TJP1: variants seen among roughly 807,000 people sequenced by gnomAD.
The protein encoded by TJP1 is tight junction protein 1.
A neutral mutation model predicts 194.2 loss-of-function variants in TJP1; 43 were observed. The ratio of observed to expected loss-of-function variants is 0.22; its 90% CI spans 0.17 to 0.29. TJP1 has a LOEUF of 0.29. Ranked by LOEUF, TJP1 falls within the 10% of genes least tolerant of loss-of-function variation. The pLI, the probability that TJP1 is intolerant of heterozygous loss-of-function variation, is 1.00. For synonymous variants in TJP1, 801 were observed against 779.0 expected (o/e 1.03, Z -0.47); for missense variants, 1,971 against 2,185.7 (o/e 0.90, Z 1.96).
At chr15:29,905,009 C>A (rs1318894878) in intron 2 of TJP1, among the ~76,000 whole-genome samples, 1 of 152,180 alleles carries the variant, frequency 6.6e-6, no homozygotes, top group Non-Finnish European at 1.5e-5. Flanking sequence ...GGAAGCATGG[C>A]CCTGCTACAC....
At chr15:29,732,930 T>A (rs2043763407) in intron 13 of TJP1, 115 bp from the exon 14 acceptor site, 3 of 1,251,592 alleles carry the variant, frequency 2.4e-6, no homozygotes, top group Non-Finnish European at 2.2e-6. Flanking sequence ...AGTTTAAATC[T>A]TAATGGTTAT....
chr15:29,778,230 G>T, intron 2 of TJP1, among the ~76,000 whole-genome samples: 1 of 151,920 alleles, frequency 6.6e-6, no homozygotes. Flanking sequence ...TACCCAGGCT[G>T]CAGGTAAGAA....
chr15:29,709,724 G>C lies in TJP1; in HGVS notation c.4373-688C>G, dbSNP rs149962341. Among the ~76,000 whole-genome samples, 127 of 152,290 alleles carry C rather than the reference G, an allele frequency of 8.3e-4. 1 individual carries two copies. The East Asian group carries it at 0.02, about 25-fold the overall frequency. Reference sequence around the variant, plus strand: ...ATAAAGGACATCTACGAAAATCCTAGAGCTAACATTCTAAAGGATAAAACA... The same window carrying C: ...ATAAAGGACATCTACGAAAATCCTACAGCTAACATTCTAAAGGATAAAACA... On this transcript the variant is annotated intron_variant, in intron 24 of 27. Coordinates refer to ENST00000614355, the MANE Select transcript of TJP1 (RefSeq NM_001330239.4).
chr15:29,967,379 AAC>A (rs1172506061), intron 1 of TJP1, among the ~76,000 whole-genome samples: 1 of 151,988 alleles, frequency 6.6e-6, no homozygotes, highest in African/African-American at 2.4e-5. Context: ...AAAAAAAAAA[AAC>A]CAAACTGGTG....
intron 5 of TJP1, 89 bp downstream of exon 5, chr15:29,766,175 CAA>C: frequency 1.3e-6 from 2 of 1,489,682 alleles, no homozygotes; most frequent in Non-Finnish European, 1.8e-6. Flanking sequence ...GACAACAAAG[CAA>C]AGACATGAAG....
At chr15:29,713,131 A>G (rs933545582) in intron 23 of TJP1, among the ~76,000 whole-genome samples, 1 of 152,202 alleles carries the variant, frequency 6.6e-6, no homozygotes, top group African/African-American at 2.4e-5. Context: ...TTAGTTCTTT[A>G]AAAGCTACAA....
intron 2 of TJP1, among the ~76,000 whole-genome samples, chr15:29,859,942 G>A (rs1038119148): frequency 6.6e-5 from 10 of 152,058 alleles, no homozygotes; most frequent in African/African-American, 2.4e-4. Context: ...AAGTGAAAGA[G>A]GGGAGAAAAG....
At chr15:29,756,651 A>G (rs1228721041) in intron 8 of TJP1, among the ~76,000 whole-genome samples, 6 of 152,204 alleles carry the variant, frequency 3.9e-5, no homozygotes, top group East Asian at 3.9e-4. Context: ...TAAGAAAAGA[A>G]TATCACACAG....
Position 29,766,367 on chromosome 15 carries a change from C to G in TJP1, c.488G>C (p.Arg163Thr), listed in dbSNP as rs1433249049. 1 of 1,614,112 alleles carries G rather than the reference C, an allele frequency of 6.2e-7. No individual in the cohort carries two copies. Among genetic ancestry groups the G allele is most frequent in the African/African-American group, 1.3e-5 (1 of 74,942 alleles). ...TGACCGCGGGGACAAGCTCCTCTCTCTACTTGCACTTCTATCCCTCGGCCA... is the reference window on the plus strand; with the variant it reads ...TGACCGCGGGGACAAGCTCCTCTCTGTACTTGCACTTCTATCCCTCGGCCA... ...KIWPRDRSAS[R>T]ERSLSPRSDR... The change falls in exon 5 of 28, where the codon AGA becomes ACA. Residue 163 changes from arginine to threonine, a missense_variant. Coordinates refer to ENST00000614355, the MANE Select transcript of TJP1 (RefSeq NM_001330239.4).
At chr15:29,822,603 ACCCC>A (rs2050494727), upstream of TJP1, 2 of 528,900 alleles carry the variant, frequency 3.8e-6, no homozygotes, top group Admixed American at 1.3e-4. Flanking sequence ...CGGGGTCCCG[ACCCC>A]AAGCGCGGAA....
intron 2 of TJP1, among the ~76,000 whole-genome samples, chr15:29,775,558 T>C (rs1488581703): frequency 6.6e-6 from 1 of 152,172 alleles, no homozygotes; most frequent in Non-Finnish European, 1.5e-5. Context: ...AAACTGGGTT[T>C]GATACTATCC....
chr15:29,776,279 T>G lies in TJP1; in HGVS notation c.85-2922A>C, dbSNP rs144134823. Among the ~76,000 whole-genome samples the G allele has an allele frequency of 2.0e-3, 298 of 152,276 alleles. 5 individuals carry two copies. The highest frequency in any genetic ancestry group is 2.9e-4 in the Non-Finnish European group (20 of 68,006). On this transcript the variant is annotated intron_variant, in intron 2 of 27. Transcript: ENST00000614355. ...TTAATAAATCTAGAGAAAAAAATTA[T>G]ATGATTATCTCCAAGATCCTGAAAA...
At chr15:29,911,703 C>T (rs2054019294) in intron 2 of TJP1, among the ~76,000 whole-genome samples, 1 of 152,180 alleles carries the variant, frequency 6.6e-6, no homozygotes, top group East Asian at 1.9e-4. Context: ...CCTCCTCCAA[C>T]ACTGTGGATT....
At chr15:29,782,894 CAAAAAAA>C (rs34832565) in intron 2 of TJP1, among the ~76,000 whole-genome samples, 3 of 80,726 alleles carry the variant, frequency 3.7e-5, no homozygotes, top group African/African-American at 1.4e-4. Flanking sequence ...AGACACTTTT[CAAAAAAA>C]AAAAAAAAAA....
chr15:29,780,832 AAAGT>A lies in TJP1; in HGVS notation c.85-7479_85-7476del, dbSNP rs557987232. On this transcript the variant is annotated intron_variant, in intron 2 of 27. Transcript: ENST00000614355. ...AAGACCAAAAAACATCTTAAGAGAA[AAAGT>A]AAAAAAGAAATCAACCTAACATCCT... Among the ~76,000 whole-genome samples the A allele has an allele frequency of 1.7e-3, 264 of 152,302 alleles. 1 individual carries two copies. The highest frequency in any genetic ancestry group is 6.0e-3 in the African/African-American group (250 of 41,570).
rs760557407 is a variant in TJP1 at position 29,838,992 on chromosome 15, C to CTTTTTT, written c.307-38296_307-38291dup. On this transcript the variant is annotated intron_variant, in intron 2 of 28. Coordinates refer to the TJP1 transcript ENST00000356107. ...ATAGTAATCCACAGTAAAAATTCAC[C>CTTTTTT]TTTTTTTTTTTTTTTTTTTTTTTTG... 8.6e-4 allele frequency among the ~76,000 whole-genome samples: 72 copies of CTTTTTT among 83,446 alleles called. 1 individual carries two copies. Among genetic ancestry groups the CTTTTTT allele is most frequent in the Non-Finnish European group, 9.3e-4 (45 of 48,426 alleles). 54.7% of individuals were successfully genotyped at this position (83,446 alleles called of 152,430 possible).
At chr15:29,727,061 G>A in intron 16 of TJP1, 70 bp from the exon 17 acceptor site, 1 of 1,404,406 alleles carries the variant, frequency 7.1e-7, no homozygotes, top group Non-Finnish European at 9.9e-7. Flanking sequence ...AAATTCAGCT[G>A]GGTGCAGTGG....
intron 2 of TJP1, among the ~76,000 whole-genome samples, chr15:29,776,926 C>CA (rs2047051370): frequency 6.6e-6 from 1 of 152,132 alleles, no homozygotes; most frequent in African/African-American, 2.4e-5. Context: ...GCAAGGTACT[C>CA]ATTCATTTTG....
chr15:29,733,069 A>G (rs777757891), intron 13 of TJP1, 25 bp downstream of exon 13: 1 of 1,602,396 alleles, frequency 6.2e-7, no homozygotes, highest in South Asian at 1.1e-5. Context: ...GATTCACTCT[A>G]TGAGAAGTAT....
Sources: allele counts gnomAD v4.1 joint callset (sites outside exome capture counted in the v4.1 genomes callset), GRCh38; gene constraint gnomAD v4.1.1; transcripts MANE v1.5; gene names NCBI Gene and HGNC (gene_info 2026-07-23, HGNC 2026-07-21).